The following SAMD5 variants were observed in gnomAD, a reference collection of about 807,000 sequenced individuals.
The protein encoded by SAMD5 is sterile alpha motif domain-containing protein 5.
A neutral mutation model predicts 11.3 loss-of-function variants in SAMD5; 13 were observed. That is an observed-to-expected ratio of 1.15 (90% CI 0.75 to 1.83). The LOEUF (loss-of-function observed/expected upper bound fraction) is 1.83. Ranked by LOEUF, SAMD5 falls within the 40% of genes most tolerant of loss-of-function variation. The probability of loss-of-function intolerance (pLI) is 0.00; values close to 1 mark genes in which losing one functional copy is unlikely to be tolerated. For synonymous variants in SAMD5, 129 were observed against 111.3 expected (o/e 1.16, Z -1.00); for missense variants, 255 against 239.1 (o/e 1.07, Z -0.44).
At chr6:147,883,669 A>G in the SAMD5 span, among the ~76,000 whole-genome samples, 1 of 152,230 alleles carries the variant, frequency 6.6e-6, no homozygotes, top group Non-Finnish European at 1.5e-5. Flanking sequence ...TTGCACCATT[A>G]AAATCTTTCA....
the SAMD5 span, among the ~76,000 whole-genome samples, chr6:147,854,767 A>T: frequency 6.6e-6 from 1 of 152,228 alleles, no homozygotes; most frequent in South Asian, 2.1e-4. Flanking sequence ...AAGAATTAAA[A>T]CATAACAAAG....
intron 1 of SAMD5, among the ~76,000 whole-genome samples, chr6:147,618,240 G>A (rs142822440): frequency 2.4e-4 from 36 of 152,296 alleles, no homozygotes; most frequent in Non-Finnish European, 3.7e-4. Context: ...ATAAGACAGC[G>A]CCATGCTCAT....
At chr6:147,643,177 T>C (rs34800293) in intron 1 of SAMD5, among the ~76,000 whole-genome samples, 13,569 of 152,264 alleles carry the variant, frequency 0.089, 910 homozygotes, top group East Asian at 0.26. Flanking sequence ...ATCAGAAAGG[T>C]GATGTTTCAT....
At chr6:147,629,597 C>T (rs1790109914) in intron 1 of SAMD5, among the ~76,000 whole-genome samples, 1 of 152,156 alleles carries the variant, frequency 6.6e-6, no homozygotes, top group South Asian at 2.1e-4. Context: ...CTATCTAGGA[C>T]AGGGTGACAG....
chr6:147,951,382 G>A, the SAMD5 span, among the ~76,000 whole-genome samples: 2 of 151,944 alleles, frequency 1.3e-5, no homozygotes, highest in African/African-American at 2.4e-5. Flanking sequence ...GGGTTTCACC[G>A]TGTTAGCCAG....
chr6:147,649,930 T>A (rs1304757494), intron 1 of SAMD5, among the ~76,000 whole-genome samples: 2 of 152,194 alleles, frequency 1.3e-5, no homozygotes, highest in African/African-American at 4.8e-5. Context: ...TAAATGGTAT[T>A]GTTTATTAAT....
At chr6:147,592,136 T>A (rs770866385) in intron 1 of SAMD5, among the ~76,000 whole-genome samples, 24 of 152,142 alleles carry the variant, frequency 1.6e-4, no homozygotes, top group Non-Finnish European at 2.8e-4. Flanking sequence ...TACAGACATG[T>A]ACCACCACAC....
In SAMD5 at chr6:147,567,999, C is replaced by T. The variant is rs956689053; in HGVS notation, c.*3543C>T. On this transcript the variant is annotated 3_prime_UTR_variant, in exon 2 of 2. Transcript: ENST00000367474. ...AAGTCTGGGGAAATAGGCACATGGACAGATTATATGAAGGTATTTCATTAG... is the reference window on the plus strand; with the variant it reads ...AAGTCTGGGGAAATAGGCACATGGATAGATTATATGAAGGTATTTCATTAG... The T allele has an allele frequency of 2.0e-6, 2 of 985,320 alleles. No individual in the cohort carries two copies. Among genetic ancestry groups the T allele is most frequent in the Non-Finnish European group, 2.4e-6 (2 of 829,978 alleles). 61.0% of individuals were successfully genotyped at this position (985,320 alleles called of 1,614,324 possible). A position where few individuals can be genotyped will look rare whatever the true frequency, so the allele number is the denominator to read the frequency against.
intron 1 of SAMD5, chr6:147,730,207 G>A (rs1368598991): frequency 2.5e-6 from 1 of 392,898 alleles, no homozygotes; most frequent in Non-Finnish European, 4.9e-6. Flanking sequence ...TTTCACTCTT[G>A]TTGAAATTGG....
the SAMD5 span, among the ~76,000 whole-genome samples, chr6:147,768,260 G>A: frequency 2.4e-4 from 36 of 152,316 alleles, 1 homozygote; most frequent in East Asian, 6.9e-3. Flanking sequence ...CACTTTGGGA[G>A]GCTGAGGTGG....
chr6:147,614,335 G>A lies in SAMD5; in HGVS notation c.162+104948G>A, dbSNP rs997244603. ...ATACAAAAAATGAGCTGGGTGTGGC[G>A]GTGGGCACCTGTAGTCCCAGCTACC... On this transcript the variant is annotated intron_variant, in intron 1 of 1. Coordinates refer to the SAMD5 transcript ENST00000566741. Among the ~76,000 whole-genome samples the A allele has an allele frequency of 6.6e-5, 10 of 151,840 alleles. No individual in the cohort carries two copies. The East Asian group carries it at 1.4e-3, about 21-fold the overall frequency.
intron 1 of SAMD5, among the ~76,000 whole-genome samples, chr6:147,521,462 C>T (rs1292111894): frequency 6.6e-6 from 1 of 152,018 alleles, no homozygotes; most frequent in African/African-American, 2.4e-5. Flanking sequence ...ATATTTTCTG[C>T]CTTTTCAGTA....
intron 1 of SAMD5, among the ~76,000 whole-genome samples, chr6:147,717,094 A>C (rs891206481): frequency 1.3e-5 from 2 of 152,210 alleles, no homozygotes; most frequent in African/African-American, 2.4e-5. Flanking sequence ...TTTCATCTGA[A>C]GGTTTTGCAT....
chr6:147,686,884 T>TTTATTA (rs1272992848), intron 1 of SAMD5, among the ~76,000 whole-genome samples: 5 of 151,974 alleles, frequency 3.3e-5, no homozygotes, highest in Non-Finnish European at 7.4e-5. Flanking sequence ...TTTCAATCTT[T>TTTATTA]TTATTATTAT....
intron 1 of SAMD5, 125 bp downstream of exon 1, chr6:147,509,512 T>TG (rs1788055018): frequency 1.3e-6 from 1 of 747,744 alleles, no homozygotes. Context: ...TTTGGGTATC[T>TG]GGGACCCTTT....
intron 1 of SAMD5, among the ~76,000 whole-genome samples, chr6:147,650,468 A>G (rs1202315546): frequency 6.6e-6 from 1 of 152,232 alleles, no homozygotes; most frequent in African/African-American, 2.4e-5. Context: ...GGTGGAAAGA[A>G]GAGGAGTAGC....
the SAMD5 span, among the ~76,000 whole-genome samples, chr6:147,940,399 T>A: frequency 6.6e-6 from 1 of 151,934 alleles, no homozygotes. Flanking sequence ...GCACCAGGAG[T>A]TGAAGCCACC....
chr6:147,811,177 G>A, the SAMD5 span, among the ~76,000 whole-genome samples: 1 of 152,340 alleles, frequency 6.6e-6, no homozygotes, highest in East Asian at 1.9e-4. Context: ...AGTAGAGTGA[G>A]AGGTTTGTTT....
chr6:147,732,981 T>C (rs555656841), intron 1 of SAMD5, among the ~76,000 whole-genome samples: 1 of 152,240 alleles, frequency 6.6e-6, no homozygotes, highest in Non-Finnish European at 1.5e-5. Context: ...CTCCTTCATT[T>C]AAGAAGGGAC....
Sources: allele counts gnomAD v4.1 joint callset (sites outside exome capture counted in the v4.1 genomes callset), GRCh38; gene constraint gnomAD v4.1.1; transcripts MANE v1.5; gene names NCBI Gene and HGNC (gene_info 2026-07-23, HGNC 2026-07-21).